AFG1L: variants seen among roughly 807,000 people sequenced by gnomAD.
AFG1L encodes AFG1 like ATPase, also known as AFG1-like ATPase.
In AFG1L, 53 loss-of-function variants were observed where a neutral mutation model predicts 62.2. That is an observed-to-expected ratio of 0.85 (90% CI 0.68 to 1.07). The LOEUF is 1.07. Ranked by LOEUF, AFG1L falls within the 50% of genes least tolerant of loss-of-function variation. The pLI is 0.00. For synonymous variants in AFG1L, 228 were observed against 210.3 expected (o/e 1.08, Z -0.73); for missense variants, 555 against 590.5 (o/e 0.94, Z 0.62).
At chr6:108,520,768 A>T (rs891429580) in intron 12 of AFG1L, 2 of 152,690 alleles carry the variant, frequency 1.3e-5, no homozygotes, top group Non-Finnish European at 1.5e-5. Flanking sequence ...CTTACAGACA[A>T]CAGAAATTTA....
At chr6:108,433,160 G>C (rs561119028) in intron 7 of AFG1L, among the ~76,000 whole-genome samples, 1 of 152,108 alleles carries the variant, frequency 6.6e-6, no homozygotes, top group Non-Finnish European at 1.5e-5. Context: ...TGATTAAACT[G>C]TTTTATACCC....
chr6:108,509,584 A>G (rs911046135), intron 10 of AFG1L, among the ~76,000 whole-genome samples: 3 of 152,216 alleles, frequency 2.0e-5, no homozygotes, highest in Non-Finnish European at 2.9e-5. Flanking sequence ...AAATAAAAAT[A>G]TGGACAGGGA....
chr6:108,498,357 T>G (rs1026673909), intron 10 of AFG1L, among the ~76,000 whole-genome samples: 3 of 152,220 alleles, frequency 2.0e-5, no homozygotes, highest in Non-Finnish European at 4.4e-5. Flanking sequence ...CACATAGGCC[T>G]TCTTCAATTC....
intron 11 of AFG1L, among the ~76,000 whole-genome samples, chr6:108,515,635 A>G (rs904393655): frequency 6.6e-6 from 1 of 152,220 alleles, no homozygotes; most frequent in African/African-American, 2.4e-5. Flanking sequence ...GCAGAAGGCA[A>G]GAAGTAACTA....
intron 6 of AFG1L, among the ~76,000 whole-genome samples, chr6:108,374,597 C>T (rs1221989019): frequency 6.6e-6 from 1 of 152,174 alleles, no homozygotes; most frequent in African/African-American, 2.4e-5. Context: ...AGTCCTTTCC[C>T]CATTGCTTAT....
At chr6:108,361,130 G>T (rs1050746025) in intron 5 of AFG1L, among the ~76,000 whole-genome samples, 2 of 152,208 alleles carry the variant, frequency 1.3e-5, no homozygotes, top group Non-Finnish European at 2.9e-5. Context: ...CATGACCAGG[G>T]GGTCCCTCAC....
chr6:108,413,856 G>T (rs1412157188), intron 7 of AFG1L, among the ~76,000 whole-genome samples: 1 of 152,022 alleles, frequency 6.6e-6, no homozygotes, highest in Non-Finnish European at 1.5e-5. Flanking sequence ...ACAATTAAAA[G>T]AACTAGAGAA....
Position 108,446,156 on chromosome 6 carries a change from G to A in AFG1L, c.808-1058G>A, listed in dbSNP as rs978164591. Among the ~76,000 whole-genome samples, 198 of 151,538 alleles carry A rather than the reference G, an allele frequency of 1.3e-3. 1 individual carries two copies. Among genetic ancestry groups the A allele is most frequent in the African/African-American group, 4.8e-3 (196 of 41,208 alleles). ...CAAAATCCAACTGACCAAGAAGATA[G>A]GTGTTGCAAAAGTACATTTGCTCTC... On this transcript the variant is annotated intron_variant, in intron 7 of 12. Transcript: ENST00000368977.
chr6:108,505,044 C>T (rs1180220505), intron 10 of AFG1L, among the ~76,000 whole-genome samples: 1 of 151,226 alleles, frequency 6.6e-6, no homozygotes, highest in East Asian at 1.9e-4. Context: ...AGATTTTCAG[C>T]TGAATACTTA....
At chr6:108,340,013 G>A (rs774545501) in intron 2 of AFG1L, among the ~76,000 whole-genome samples, 42 of 151,348 alleles carry the variant, frequency 2.8e-4, no homozygotes, top group Non-Finnish European at 3.2e-4. Context: ...TTTTGTACCC[G>A]TTAACCATCC....
chr6:108,323,636 C>T (rs1340614811), intron 1 of AFG1L, among the ~76,000 whole-genome samples, 189 bp from the exon 2 acceptor site: 1 of 152,220 alleles, frequency 6.6e-6, no homozygotes, highest in African/African-American at 2.4e-5. Flanking sequence ...GCTGGAATTA[C>T]AGGCGTGAGC....
intron 7 of AFG1L, among the ~76,000 whole-genome samples, chr6:108,410,084 T>C (rs1782032092): frequency 6.6e-6 from 1 of 152,130 alleles, no homozygotes; most frequent in Admixed American, 6.5e-5. Flanking sequence ...GGCAGGTGGA[T>C]TACTTGAGGT....
intron 7 of AFG1L, among the ~76,000 whole-genome samples, chr6:108,434,872 C>G (rs1771234576): frequency 6.6e-6 from 1 of 152,194 alleles, no homozygotes; most frequent in South Asian, 2.1e-4. Context: ...TCTTTTGCAT[C>G]TCTAGATGTA....
intron 8 of AFG1L, among the ~76,000 whole-genome samples, chr6:108,472,521 A>AT (rs933875875): frequency 6.6e-6 from 1 of 152,056 alleles, no homozygotes; most frequent in Non-Finnish European, 1.5e-5. Flanking sequence ...AGTTTAAAAT[A>AT]TTTTTTTAAA....
chr6:108,434,315 A>G (rs1342951805), intron 7 of AFG1L, among the ~76,000 whole-genome samples: 1 of 152,184 alleles, frequency 6.6e-6, no homozygotes, highest in East Asian at 1.9e-4. Flanking sequence ...CTGCACCTAG[A>G]GAAGTCCCAA....
intron 6 of AFG1L, among the ~76,000 whole-genome samples, chr6:108,397,290 G>C (rs566873516): frequency 6.6e-6 from 1 of 152,292 alleles, no homozygotes; most frequent in East Asian, 1.9e-4. Context: ...ACCACACCTG[G>C]CTGATTTTTG....
chr6:108,400,713 TTAATATATATTATATA>T (rs1413296647), intron 6 of AFG1L, among the ~76,000 whole-genome samples: 17 of 124,206 alleles, frequency 1.4e-4, no homozygotes, highest in East Asian at 2.1e-4. Flanking sequence ...TTATATATAT[TTAATATATATTATATA>T]TAATATATAT....
chr6:108,477,350 G>T, intron 10 of AFG1L, 58 bp downstream of exon 10: 1 of 984,464 alleles, frequency 1.0e-6, no homozygotes. Context: ...AATACTTCGT[G>T]TTTTCCTCTC....
chr6:108,412,456 G>C (rs1414716558), intron 7 of AFG1L, among the ~76,000 whole-genome samples: 2 of 152,044 alleles, frequency 1.3e-5, no homozygotes, highest in South Asian at 4.1e-4. Flanking sequence ...TCCAAGACAC[G>C]TAATTGTCAG....
Sources: allele counts gnomAD v4.1 joint callset (sites outside exome capture counted in the v4.1 genomes callset), GRCh38; gene constraint gnomAD v4.1.1; transcripts MANE v1.5; gene names NCBI Gene and HGNC (gene_info 2026-07-23, HGNC 2026-07-21).